The following UHRF1 variants were observed in gnomAD, a reference collection of about 807,000 sequenced individuals.
UHRF1 encodes the protein E3 ubiquitin-protein ligase UHRF1.
Under a neutral mutation model 96.5 loss-of-function variants are expected in UHRF1, and 9 were observed. The observed-to-expected ratio is 0.09, with a 90% CI of 0.06 to 0.16. The LOEUF is 0.16. Ranked by LOEUF, UHRF1 falls within the 10% of genes least tolerant of loss-of-function variation. The pLI is 1.00. For missense variants in UHRF1, 626 were observed against 1,131.1 expected (o/e 0.55, Z 6.40); for synonymous variants, 455 against 469.9 (o/e 0.97, Z 0.41).
intron 3 of UHRF1, 95 bp downstream of exon 3, chr19:4,929,571 C>T (rs941310030): frequency 1.7e-4 from 260 of 1,504,336 alleles, no homozygotes; most frequent in Middle Eastern, 5.0e-4. Context: ...GCTTCCCACG[C>T]GCCTCTCTAG....
Position 4,909,589 on chromosome 19 carries a change from G to C in UHRF1, c.-77G>C. Reference sequence around the variant, plus strand: ...CGCGCGGGGTCCGGGCCACGCACGCGGTTTCATCGCCATCCCCAGCCGGGC... The same window carrying C: ...CGCGCGGGGTCCGGGCCACGCACGCCGTTTCATCGCCATCCCCAGCCGGGC... On this transcript the variant is annotated 5_prime_UTR_variant, in exon 1 of 17. Coordinates refer to ENST00000650932, the MANE Select transcript of UHRF1 (RefSeq NM_001048201.3). The C allele has an allele frequency of 4.6e-6, 3 of 650,568 alleles. No individual in the cohort carries two copies. The highest frequency in any genetic ancestry group is 8.3e-6 in the Non-Finnish European group (3 of 362,776). 40.3% of individuals were successfully genotyped at this position (650,568 alleles called of 1,614,324 possible).
intron 5 of UHRF1, among the ~76,000 whole-genome samples, chr19:4,936,563 G>A (rs924203117): frequency 3.9e-5 from 6 of 152,112 alleles, no homozygotes; most frequent in African/African-American, 1.4e-4. Flanking sequence ...CCTCTACACT[G>A]GTGTCTCTGC....
At chr19:4,955,956 G>A (rs982467458) in intron 15 of UHRF1, among the ~76,000 whole-genome samples, 5 of 151,870 alleles carry the variant, frequency 3.3e-5, no homozygotes, top group African/African-American at 1.2e-4. Flanking sequence ...TTTTGAGATG[G>A]AGTTTTGCTC....
intron 11 of UHRF1, among the ~76,000 whole-genome samples, chr19:4,948,162 T>G (rs1160481049): frequency 6.7e-6 from 1 of 150,074 alleles, no homozygotes; most frequent in Non-Finnish European, 1.5e-5. Context: ...GGTCACACAG[T>G]CTATTCAGAG....
rs187985670 is a variant in UHRF1, at chr19:4,919,082, C to T, written c.153+8044C>T. Among the ~76,000 whole-genome samples the T allele has an allele frequency of 4.3e-4, 62 of 143,982 alleles. 1 individual carries two copies. The highest frequency in any genetic ancestry group is 3.7e-3 in the Admixed American group (52 of 14,026). The allele number at this position is 143,982 out of a possible 152,430, so 94.5% of individuals were successfully genotyped here. A position where few individuals can be genotyped will look rare whatever the true frequency, so the allele number is the denominator to read the frequency against. ...CAGTGTCTCCCAGGCTGGAGTGCAG[C>T]GGCGCGATCTCGACTCACTGCAACC... On this transcript the variant is annotated intron_variant, in intron 2 of 16. Transcript: ENST00000650932.
chr19:4,937,916 G>A (rs1425767966), intron 5 of UHRF1, among the ~76,000 whole-genome samples: 7 of 152,072 alleles, frequency 4.6e-5, no homozygotes, highest in Admixed American at 3.3e-4. Context: ...TTGGAGAGGC[G>A]GAGGTGGGCG....
At position 4,959,935 on chromosome 19, in the gene UHRF1, A is replaced by G. The variant is rs549016803; in HGVS notation, c.2236-722A>G. On this transcript the variant is annotated intron_variant, in intron 16 of 16. Coordinates refer to ENST00000650932, the MANE Select transcript of UHRF1 (RefSeq NM_001048201.3). ...GAGTGCAATGGCGTGATCTCAGCTC[A>G]CTGCAACCTCCGCCTCCCGGGTTCA... Among the ~76,000 whole-genome samples, 3 of 152,310 alleles carry G rather than the reference A, an allele frequency of 2.0e-5. No homozygotes were observed. In the East Asian group the frequency reaches 5.8e-4, roughly 29 times the overall value.
chr19:4,937,526 G>T (rs1568421212), intron 5 of UHRF1, among the ~76,000 whole-genome samples: 1 of 151,746 alleles, frequency 6.6e-6, no homozygotes, highest in East Asian at 1.9e-4. Flanking sequence ...AGCACACCCA[G>T]CTTATTTTTG....
chr19:4,914,848 A>T (rs192595782), intron 2 of UHRF1, among the ~76,000 whole-genome samples: 1 of 152,066 alleles, frequency 6.6e-6, no homozygotes, highest in Non-Finnish European at 1.5e-5. Context: ...TGCGAATTCA[A>T]TGAGGTTGTG....
chr19:4,929,190 C>G, intron 2 of UHRF1, 32 bp from the exon 3 acceptor site: 1 of 1,591,954 alleles, frequency 6.3e-7, no homozygotes, highest in Non-Finnish European at 8.6e-7. Flanking sequence ...CATTTGGTGG[C>G]TAAACAGCGT....
At chr19:4,920,196 C>G (rs1044001842) in intron 2 of UHRF1, among the ~76,000 whole-genome samples, 1 of 152,300 alleles carries the variant, frequency 6.6e-6, no homozygotes, top group South Asian at 2.1e-4. Flanking sequence ...CTTCGGGAGG[C>G]TGAGGCAGGC....
intron 2 of UHRF1, 93 bp downstream of exon 2, chr19:4,911,131 C>T (rs538354170): frequency 4.7e-6 from 6 of 1,263,660 alleles, no homozygotes; most frequent in African/African-American, 3.0e-5. Context: ...CCACCTCCCC[C>T]CCCAACAACC....
chr19:4,912,085 AG>A (rs1201671649), intron 2 of UHRF1, among the ~76,000 whole-genome samples: 1 of 152,176 alleles, frequency 6.6e-6, no homozygotes, highest in Non-Finnish European at 1.5e-5. Context: ...TGCATGCCAT[AG>A]GAGACCTTCA....
chr19:4,944,564 C>T (rs1355948222), intron 9 of UHRF1, 114 bp downstream of exon 9: 30 of 1,163,786 alleles, frequency 2.6e-5, no homozygotes, highest in Admixed American at 1.6e-4. Flanking sequence ...AGTGGTGCCT[C>T]GGCTAGCCGA....
intron 5 of UHRF1, among the ~76,000 whole-genome samples, chr19:4,939,007 G>A (rs931649143): frequency 5.9e-5 from 9 of 151,662 alleles, no homozygotes; most frequent in Non-Finnish European, 8.8e-5. Flanking sequence ...TCCACCTCCC[G>A]GGTTCAAGCG....
chr19:4,937,166 A>C (rs373372544), intron 5 of UHRF1, among the ~76,000 whole-genome samples: 6 of 152,248 alleles, frequency 3.9e-5, no homozygotes, highest in African/African-American at 1.4e-4. Context: ...ATCACACAGT[A>C]TGTAACCTTT....
intron 11 of UHRF1, 143 bp downstream of exon 11, chr19:4,947,354 C>T (rs1204480889): frequency 3.9e-6 from 3 of 759,944 alleles, no homozygotes; most frequent in Non-Finnish European, 4.4e-6. Context: ...GTTCCTCCCT[C>T]TGTCTCCCAA....
At chr19:4,917,075 G>C (rs917564901) in intron 2 of UHRF1, among the ~76,000 whole-genome samples, 1 of 151,508 alleles carries the variant, frequency 6.6e-6, no homozygotes, top group Non-Finnish European at 1.5e-5. Context: ...CTCGGTGGGG[G>C]GGGGGGGTGC....
At position 4,939,852 on chromosome 19, in the gene UHRF1, G is replaced by T. The variant is rs373445925; in HGVS notation, c.786-1676G>T. Among the ~76,000 whole-genome samples the T allele has an allele frequency of 3.9e-5, 6 of 152,144 alleles. No individual in the cohort carries two copies. In the East Asian group the frequency reaches 1.2e-3, roughly 29 times the overall value. The stretch of plus-strand genomic sequence containing the variant: ...ATCCTGGCAAACACGGTGAAACCCC[G>T]TCTCTACTAAAAATACAAAAAATTA... On this transcript the variant is annotated intron_variant, in intron 5 of 16. Transcript: ENST00000650932.
Sources: gnomAD v4.1 joint callset for allele counts (sites outside exome capture counted in the v4.1 genomes callset) on GRCh38, gnomAD v4.1.1 for gene constraint, MANE v1.5 for transcripts, NCBI Gene and HGNC (gene_info 2026-07-23, HGNC 2026-07-21) for gene names.